EIPR1: variants seen among roughly 807,000 people sequenced by gnomAD.
EIPR1 encodes EARP complex and GARP complex interacting protein 1, also known as EARP and GARP complex-interacting protein 1.
Under a neutral mutation model 48.1 loss-of-function variants are expected in EIPR1, and 25 were observed. The observed-to-expected ratio is 0.52, with a 90% CI of 0.38 to 0.73. The LOEUF is 0.73. EIPR1 is among the 30% of genes least tolerant of loss of function. The probability of loss-of-function intolerance (pLI) is 0.00; values close to 1 mark genes in which losing one functional copy is unlikely to be tolerated. For missense variants in EIPR1, 415 were observed against 506.2 expected (o/e 0.82, Z 1.73); for synonymous variants, 204 against 201.9 (o/e 1.01, Z -0.09).
intron 4 of EIPR1, among the ~76,000 whole-genome samples, chr2:3,252,532 A>G (rs1027923037): frequency 6.6e-6 from 1 of 152,226 alleles, no homozygotes; most frequent in Admixed American, 6.5e-5. Flanking sequence ...CAGAGGTTGC[A>G]GTGAGCTGAA....
chr2:3,244,027 C>A (rs1282519442), intron 4 of EIPR1, among the ~76,000 whole-genome samples: 1 of 152,222 alleles, frequency 6.6e-6, no homozygotes, highest in Admixed American at 6.5e-5. Context: ...CATGGTGTCT[C>A]CTCTCTAAGG....
rs180945505 is a variant in EIPR1 at position 3,203,522 on chromosome 2, C to A, written c.517-6505G>T. Among the ~76,000 whole-genome samples the A allele has an allele frequency of 2.0e-4, 30 of 152,372 alleles. No individual in the cohort carries two copies. The East Asian group carries it at 5.2e-3, about 27-fold the overall frequency. On this transcript the variant is annotated intron_variant, in intron 5 of 8. Coordinates refer to ENST00000382125, the MANE Select transcript of EIPR1 (RefSeq NM_003310.5). ...CACAGCACTGAGTCGGACAGGAGAG[C>A]CCGCAGTCGGGGCGCCTCCTCCAGC...
intron 2 of EIPR1, among the ~76,000 whole-genome samples, chr2:3,348,630 C>T (rs1317881026): frequency 6.6e-6 from 1 of 152,192 alleles, no homozygotes; most frequent in African/African-American, 2.4e-5. Context: ...TCAGTTCATC[C>T]CTCAGAGGAA....
chr2:3,276,405 T>C (rs928928323), intron 3 of EIPR1, among the ~76,000 whole-genome samples: 1 of 152,268 alleles, frequency 6.6e-6, no homozygotes, highest in Non-Finnish European at 1.5e-5. Context: ...ATTGCTTTTA[T>C]AATTTTTTCT....
At chr2:3,373,281 A>G (rs1333617978) in intron 1 of EIPR1, among the ~76,000 whole-genome samples, 26 of 151,706 alleles carry the variant, frequency 1.7e-4, no homozygotes, top group African/African-American at 6.3e-4. Context: ...ATCATACTGA[A>G]TGGGCAAAAA....
At chr2:3,345,789 C>T (rs1238208361) in intron 2 of EIPR1, among the ~76,000 whole-genome samples, 1 of 152,036 alleles carries the variant, frequency 6.6e-6, no homozygotes, top group Non-Finnish European at 1.5e-5. Context: ...CACGGATGCA[C>T]ATGTAGGAAG....
At chr2:3,337,669 A>C (rs965945006) in intron 3 of EIPR1, among the ~76,000 whole-genome samples, 1 of 152,142 alleles carries the variant, frequency 6.6e-6, no homozygotes, top group Admixed American at 6.5e-5. Flanking sequence ...GACAGTCACC[A>C]AGACACTACA....
At chr2:3,307,984 A>G (rs1558288301) in intron 3 of EIPR1, among the ~76,000 whole-genome samples, 1 of 152,202 alleles carries the variant, frequency 6.6e-6, no homozygotes, top group Non-Finnish European at 1.5e-5. Context: ...TCAATTAAAA[A>G]AAGAACAGGC....
chr2:3,359,701 A>G (rs182762913), intron 1 of EIPR1, among the ~76,000 whole-genome samples: 280 of 152,356 alleles, frequency 1.8e-3, no homozygotes, highest in African/African-American at 6.0e-3. Context: ...CTCTTTGATT[A>G]AAGTAATGAT....
At chr2:3,203,035 C>T (rs1055292847) in intron 5 of EIPR1, among the ~76,000 whole-genome samples, 2 of 152,230 alleles carry the variant, frequency 1.3e-5, no homozygotes, top group Non-Finnish European at 2.9e-5. Context: ...TCAACAAATA[C>T]AACTCGTTAT....
chr2:3,288,434 C>T (rs1388742072), intron 3 of EIPR1, among the ~76,000 whole-genome samples: 1 of 152,170 alleles, frequency 6.6e-6, no homozygotes, highest in African/African-American at 2.4e-5. Flanking sequence ...ATGAGTCTCA[C>T]GTGGCTGGGG....
At chr2:3,316,224 G>A (rs1207763409) in intron 3 of EIPR1, among the ~76,000 whole-genome samples, 2 of 136,894 alleles carry the variant, frequency 1.5e-5, no homozygotes, top group African/African-American at 5.5e-5. Context: ...CACTGTTATC[G>A]CCACCACCAT....
At chr2:3,372,323 T>C (rs981561211) in intron 1 of EIPR1, among the ~76,000 whole-genome samples, 19 of 150,726 alleles carry the variant, frequency 1.3e-4, no homozygotes, top group African/African-American at 4.6e-4. Flanking sequence ...TTAAAAGAAC[T>C]AGAAAAGCAA....
intron 3 of EIPR1, among the ~76,000 whole-genome samples, chr2:3,294,822 C>CA (rs1558279614): frequency 3.4e-5 from 5 of 146,494 alleles, no homozygotes; most frequent in African/African-American, 7.6e-5. Flanking sequence ...TCTCCACACA[C>CA]CCTCCATCCA....
intron 3 of EIPR1, among the ~76,000 whole-genome samples, chr2:3,310,154 G>T (rs1365946402): frequency 6.6e-6 from 1 of 152,162 alleles, no homozygotes; most frequent in Non-Finnish European, 1.5e-5. Flanking sequence ...TATTAGGAGT[G>T]CATGCTTGGT....
intron 4 of EIPR1, 135 bp downstream of exon 4, chr2:3,257,164 A>T: frequency 7.3e-6 from 8 of 1,095,380 alleles, no homozygotes; most frequent in Non-Finnish European, 1.0e-5. Context: ...TAAAAATCAA[A>T]TTCTCGCAGC....
intron 4 of EIPR1, among the ~76,000 whole-genome samples, chr2:3,231,521 C>T (rs1558238887): frequency 6.6e-6 from 1 of 152,150 alleles, no homozygotes; most frequent in African/African-American, 2.4e-5. Flanking sequence ...ACTTCTATAT[C>T]TAATTTATTT....
chr2:3,233,343 C>A (rs1666301424), intron 4 of EIPR1, among the ~76,000 whole-genome samples: 2 of 152,164 alleles, frequency 1.3e-5, no homozygotes, highest in Admixed American at 1.3e-4. Flanking sequence ...TATGCCACTT[C>A]AGTTGTTTCC....
chr2:3,333,508 C>A (rs1008599099), intron 3 of EIPR1, among the ~76,000 whole-genome samples: 8 of 151,926 alleles, frequency 5.3e-5, no homozygotes, highest in African/African-American at 1.9e-4. Context: ...GAGGGTGAAG[C>A]GGGTAGATCA....
Sources: allele counts gnomAD v4.1 joint callset (sites outside exome capture counted in the v4.1 genomes callset), GRCh38; gene constraint gnomAD v4.1.1; transcripts MANE v1.5; gene names NCBI Gene and HGNC (gene_info 2026-07-23, HGNC 2026-07-21).